The following PKHD1 variants were observed in gnomAD, a reference collection of about 807,000 sequenced individuals.
PKHD1 encodes PKHD1 ciliary IPT domain containing fibrocystin/polyductin, also known as fibrocystin.
In PKHD1, 291 loss-of-function variants were observed where a neutral mutation model predicts 412.0. That is an observed-to-expected ratio of 0.71 (90% confidence interval 0.64 to 0.78). The LOEUF (loss-of-function observed/expected upper bound fraction) is 0.78, where lower values mean the gene tolerates loss of function less well. PKHD1 is among the 30% of genes least tolerant of loss of function. The probability of loss-of-function intolerance (pLI) is 0.00; values close to 1 mark genes in which losing one functional copy is unlikely to be tolerated. For missense variants in PKHD1, 4,825 were observed against 4,950.7 expected (o/e 0.97, Z 0.76); for synonymous variants, 1,777 against 1,821.5 (o/e 0.98, Z 0.62).
At chr6:51,954,371 G>A (rs544342863) in intron 36 of PKHD1, among the ~76,000 whole-genome samples, 1 of 152,196 alleles carries the variant, frequency 6.6e-6, no homozygotes, top group African/African-American at 2.4e-5. Flanking sequence ...ACTTGCCCAA[G>A]GTCACAGAGC....
intron 43 of PKHD1, among the ~76,000 whole-genome samples, chr6:51,902,254 C>T (rs985117055): frequency 6.6e-5 from 10 of 152,122 alleles, no homozygotes; most frequent in African/African-American, 1.7e-4. Flanking sequence ...CTTTTATTTA[C>T]GCAGCTTCTT....
At chr6:51,769,072 T>C (rs1789609013) in intron 55 of PKHD1, among the ~76,000 whole-genome samples, 1 of 150,600 alleles carries the variant, frequency 6.6e-6, no homozygotes, top group African/African-American at 2.5e-5. Flanking sequence ...AAACATAGCT[T>C]GCTTTGTTTG....
At chr6:51,834,299 G>A (rs1486882882) in intron 51 of PKHD1, among the ~76,000 whole-genome samples, 1 of 152,092 alleles carries the variant, frequency 6.6e-6, no homozygotes, top group Admixed American at 6.6e-5. Context: ...AACAAGACTA[G>A]GGCTGCCTGA....
chr6:52,043,030 A>C lies in PKHD1; in HGVS notation c.2926T>G (p.Ser976Ala), dbSNP rs770882723. The change falls in exon 27 of 67, where the codon TCA becomes GCA. Residue 976 changes from serine to alanine, a missense_variant. Physicochemically the swap from Ser to Ala is moderately conservative, Grantham distance 99. Transcript: ENST00000371117. ...VNKTSCKVIF[S>A]NQTNVVCQTD... ...TGACAGACTACATTGGTCTGGTTTG[A>C]GAAAATAACTTTGCAACTCGTTTTG... 6.2e-7 allele frequency: 1 copy of C among 1,614,112 alleles called. No homozygotes were observed. The highest frequency in any genetic ancestry group is 8.5e-7 in the Non-Finnish European group (1 of 1,179,948).
At chr6:51,906,770 C>G (rs1782166121) in intron 40 of PKHD1, among the ~76,000 whole-genome samples, 1 of 152,054 alleles carries the variant, frequency 6.6e-6, no homozygotes, top group Non-Finnish European at 1.5e-5. Flanking sequence ...ATTTATCAGG[C>G]AATAATATTC....
intron 55 of PKHD1, among the ~76,000 whole-genome samples, chr6:51,769,185 G>T (rs59881660): frequency 0.18 from 27,913 of 151,090 alleles, 3,380 homozygotes; most frequent in African/African-American, 0.34. Flanking sequence ...GATTATTTTA[G>T]GCCTGTTCCC....
Position 52,079,851 on chromosome 6 carries a change from C to T in PKHD1, c.390+49G>A, listed in dbSNP as rs547717438. The T allele has an allele frequency of 1.6e-5, 17 of 1,064,586 alleles. No individual in the cohort carries two copies. In the African/African-American group the frequency reaches 2.3e-4, roughly 15 times the overall value. 65.9% of individuals were successfully genotyped at this position (1,064,586 alleles called of 1,614,324 possible). A position where few individuals can be genotyped will look rare whatever the true frequency, so the allele number is the denominator to read the frequency against. On this transcript the variant is annotated intron_variant, in intron 5 of 66. Coordinates refer to ENST00000371117, the MANE Select transcript of PKHD1 (RefSeq NM_138694.4). ...ACAATTTGCCTTTCAATAACACAAG[C>T]ACACCCTTAGACTATGTAAACATAC...
At chr6:52,006,778 G>C (rs1204939078) in intron 35 of PKHD1, among the ~76,000 whole-genome samples, 1 of 152,138 alleles carries the variant, frequency 6.6e-6, no homozygotes, top group South Asian at 2.1e-4. Flanking sequence ...GTGAGATTTT[G>C]GTGCATCCAT....
intron 48 of PKHD1, among the ~76,000 whole-genome samples, chr6:51,863,432 T>G (rs527825178): frequency 1.3e-5 from 2 of 152,282 alleles, no homozygotes; most frequent in African/African-American, 4.8e-5. Flanking sequence ...GTGAAGAAGT[T>G]ATACATTGCT....
At chr6:51,898,952 A>C (rs2127599596) in intron 43 of PKHD1, among the ~76,000 whole-genome samples, 1 of 152,342 alleles carries the variant, frequency 6.6e-6, no homozygotes, top group South Asian at 2.1e-4. Context: ...TACACTCTCC[A>C]GAGACTAAAC....
chr6:51,792,584 C>T (rs1421801211), intron 52 of PKHD1, among the ~76,000 whole-genome samples: 1 of 152,234 alleles, frequency 6.6e-6, no homozygotes, highest in East Asian at 1.9e-4. Flanking sequence ...TTTCCACCTC[C>T]TTTGCAGGTT....
chr6:51,866,081 GAGC>G (rs766720167), intron 48 of PKHD1, among the ~76,000 whole-genome samples: 4 of 152,054 alleles, frequency 2.6e-5, no homozygotes, highest in Non-Finnish European at 5.9e-5. Flanking sequence ...ACAACATTTT[GAGC>G]AGCAAGACCT....
intron 55 of PKHD1, among the ~76,000 whole-genome samples, chr6:51,759,845 A>G (rs1787680851): frequency 6.6e-6 from 1 of 152,120 alleles, no homozygotes; most frequent in South Asian, 2.1e-4. Flanking sequence ...TCAGAGTTAC[A>G]CCTTTAGCTA....
chr6:51,850,276 A>G (rs1771955981), intron 49 of PKHD1, among the ~76,000 whole-genome samples: 1 of 152,222 alleles, frequency 6.6e-6, no homozygotes, highest in African/African-American at 2.4e-5. Context: ...TACCAGTACC[A>G]TGCTGTTTTG....
chr6:51,715,427 C>T (rs1406691433), intron 60 of PKHD1, among the ~76,000 whole-genome samples: 1 of 152,056 alleles, frequency 6.6e-6, no homozygotes, highest in Non-Finnish European at 1.5e-5. Flanking sequence ...TCAAAGGCCA[C>T]CGCAATTTTG....
intron 60 of PKHD1, among the ~76,000 whole-genome samples, chr6:51,669,024 C>A (rs1214213723): frequency 6.6e-6 from 1 of 152,204 alleles, no homozygotes; most frequent in Non-Finnish European, 1.5e-5. Context: ...AGTTGTGTCT[C>A]TGCCCAGCTT....
chr6:51,895,675 G>A (rs1016035232), intron 43 of PKHD1, among the ~76,000 whole-genome samples: 9 of 152,224 alleles, frequency 5.9e-5, no homozygotes, highest in South Asian at 4.1e-4. Flanking sequence ...CAAGATGGCC[G>A]AATAGGAACA....
At chr6:51,986,889 C>T (rs750664066) in intron 35 of PKHD1, among the ~76,000 whole-genome samples, 6 of 152,182 alleles carry the variant, frequency 3.9e-5, no homozygotes, top group Non-Finnish European at 8.8e-5. Context: ...GCAGCATTTG[C>T]TAAACCCCAG....
intron 35 of PKHD1, among the ~76,000 whole-genome samples, chr6:52,000,762 A>C (rs1798275382): frequency 6.6e-6 from 1 of 152,220 alleles, no homozygotes; most frequent in Admixed American, 6.5e-5. Context: ...TTGTAAAGAA[A>C]AATAAGGACT....
Sources: allele counts gnomAD v4.1 joint callset (sites outside exome capture counted in the v4.1 genomes callset), GRCh38; gene constraint gnomAD v4.1.1; transcripts MANE v1.5; gene names NCBI Gene and HGNC (gene_info 2026-07-23, HGNC 2026-07-21).